Variants in MSANTD3 observed in about 807,000 individuals in gnomAD.
MSANTD3 encodes the protein myb/SANT-like DNA-binding domain-containing protein 3.
A neutral mutation model predicts 27.7 loss-of-function variants in MSANTD3; 11 were observed. That is an observed-to-expected ratio of 0.40 (90% CI 0.25 to 0.66). The LOEUF (loss-of-function observed/expected upper bound fraction) is 0.66. MSANTD3 is among the 30% of genes least tolerant of loss of function. The pLI, the probability that MSANTD3 is intolerant of heterozygous loss-of-function variation, is 0.41. For synonymous variants in MSANTD3, 131 were observed against 127.2 expected (o/e 1.03, Z -0.20); for missense variants, 250 against 336.5 (o/e 0.74, Z 2.01).
At chr9:100,437,991 C>T (rs1196469441) in intron 1 of MSANTD3, among the ~76,000 whole-genome samples, 1 of 152,188 alleles carries the variant, frequency 6.6e-6, no homozygotes, top group East Asian at 1.9e-4. Flanking sequence ...TGAGACTCAA[C>T]TGGCCACATG....
At chr9:100,449,664 G>C (rs1836838621) in intron 2 of MSANTD3, among the ~76,000 whole-genome samples, 1 of 152,112 alleles carries the variant, frequency 6.6e-6, no homozygotes, top group African/African-American at 2.4e-5. Context: ...GGGTGAACAG[G>C]GCATTTGGAA....
intron 2 of MSANTD3, chr9:100,449,073 G>A: frequency 5.1e-6 from 5 of 985,262 alleles, no homozygotes; most frequent in Non-Finnish European, 6.0e-6. Context: ...AATCAACTAT[G>A]TTAATAAATT....
intron 1 of MSANTD3, among the ~76,000 whole-genome samples, chr9:100,436,205 C>T (rs529348796): frequency 1.3e-5 from 2 of 152,232 alleles, no homozygotes; most frequent in South Asian, 2.1e-4. Flanking sequence ...TGACTGTTCA[C>T]AGGCACAATC....
intron 1 of MSANTD3, chr9:100,429,502 C>T (rs556994648): frequency 7.9e-5 from 12 of 152,220 alleles, no homozygotes; most frequent in Non-Finnish European, 1.0e-4. Context: ...ATGTATTCCC[C>T]TAGGAATTTC....
intron 1 of MSANTD3, among the ~76,000 whole-genome samples, chr9:100,437,799 A>G (rs1836509088): frequency 6.6e-6 from 1 of 152,218 alleles, no homozygotes; most frequent in African/African-American, 2.4e-5. Context: ...GTAAATTTAT[A>G]TATACATGCA....
intron 1 of MSANTD3, among the ~76,000 whole-genome samples, chr9:100,432,120 C>T (rs994519385): frequency 2.6e-5 from 4 of 152,092 alleles, no homozygotes; most frequent in African/African-American, 9.7e-5. Context: ...TGCATGCACA[C>T]AGTCACACTC....
chr9:100,440,592 T>TG (rs1000303119), intron 1 of MSANTD3, among the ~76,000 whole-genome samples: 1 of 90,736 alleles, frequency 1.1e-5, no homozygotes, highest in Admixed American at 1.0e-4. Context: ...AACGTCAAAT[T>TG]TTTTTTTTTT....
In MSANTD3 at chr9:100,427,361, C is replaced by T; in HGVS notation, c.-66C>T. ...CCCTCGCGCCTCGCCGGCCCCTCCC[C>T]CGGTCGCCGCGGCTGCCGCGCCGCC... On this transcript the variant is annotated 5_prime_UTR_variant, in exon 1 of 3. Transcript: ENST00000395067. 6.8e-6 allele frequency: 1 copy of T among 147,024 alleles called. No individual in the cohort carries two copies. The allele number at this position is 147,024 out of a possible 1,614,324, so 9.1% of individuals were successfully genotyped here. A position where few individuals can be genotyped will look rare whatever the true frequency, so the allele number is the denominator to read the frequency against.
At chr9:100,442,823 A>C (rs1836661004) in intron 2 of MSANTD3, among the ~76,000 whole-genome samples, 1 of 151,430 alleles carries the variant, frequency 6.6e-6, no homozygotes, top group East Asian at 1.9e-4. Flanking sequence ...AAAAAAAAAA[A>C]AAAAAAGTAA....
At chr9:100,427,806 C>T (rs1368128878) in intron 1 of MSANTD3, among the ~76,000 whole-genome samples, 1 of 152,176 alleles carries the variant, frequency 6.6e-6, no homozygotes, top group Non-Finnish European at 1.5e-5. Context: ...ACCTCCAGTG[C>T]CCCGCCCGTC....
intron 2 of MSANTD3, chr9:100,444,593 TC>T (rs34222842): frequency 6.6e-6 from 1 of 152,640 alleles, no homozygotes; most frequent in Non-Finnish European, 1.5e-5. Context: ...TTGCTTATGT[TC>T]CCTGGGAGAT....
At position 100,439,590 on chromosome 9, in the gene MSANTD3, A is replaced by C. The variant is rs939397477; in HGVS notation, c.-33-2316A>C. Among the ~76,000 whole-genome samples, 21 of 151,676 alleles carry C rather than the reference A, an allele frequency of 1.4e-4. 1 individual carries two copies. The East Asian group carries it at 3.5e-3, about 25-fold the overall frequency. On this transcript the variant is annotated intron_variant, in intron 1 of 2. Coordinates refer to ENST00000395067, the MANE Select transcript of MSANTD3 (RefSeq NM_080655.3). ...AGTGGCGCGATCTCAGCTCACTGCA[A>C]GCTCCGCCCCCCGGGGTCAAGCAAT...
At chr9:100,447,919 A>G (rs533072558) in intron 2 of MSANTD3, among the ~76,000 whole-genome samples, 93 of 152,174 alleles carry the variant, frequency 6.1e-4, no homozygotes, top group Non-Finnish European at 1.2e-3. Context: ...AGGCCGGTGC[A>G]GTGGCTCATG....
chr9:100,451,235 C>A lies in MSANTD3; in HGVS notation c.*269C>A. 1 of 336,544 alleles carries A rather than the reference C, an allele frequency of 3.0e-6. No individual in the cohort carries two copies. Among genetic ancestry groups the A allele is most frequent in the Non-Finnish European group, 5.4e-6 (1 of 186,198 alleles). The allele number at this position is 336,544 out of a possible 1,614,324, so 20.8% of individuals were successfully genotyped here. A position where few individuals can be genotyped will look rare whatever the true frequency, so the allele number is the denominator to read the frequency against. Reference sequence around the variant, plus strand: ...TTAATTAGAATTCATACAAGAACCACGTGTGAGTGTTGTTGTTGTTGTTTT... The same window carrying A: ...TTAATTAGAATTCATACAAGAACCAAGTGTGAGTGTTGTTGTTGTTGTTTT... On this transcript the variant is annotated 3_prime_UTR_variant, in exon 3 of 3. Transcript: ENST00000395067.
chr9:100,441,816 A>T, intron 1 of MSANTD3, 90 bp from the exon 2 acceptor site: 1 of 1,364,608 alleles, frequency 7.3e-7, no homozygotes, highest in Non-Finnish European at 9.8e-7. Flanking sequence ...ATTTCAGACA[A>T]GGGAATCAAG....
At chr9:100,427,813 C>T (rs1217366660) in intron 1 of MSANTD3, among the ~76,000 whole-genome samples, 2 of 152,134 alleles carry the variant, frequency 1.3e-5, no homozygotes, top group African/African-American at 4.8e-5. Context: ...GTGCCCCGCC[C>T]GTCCAGAGTG....
At chr9:100,446,568 G>A (rs1191623346) in intron 2 of MSANTD3, among the ~76,000 whole-genome samples, 6 of 152,102 alleles carry the variant, frequency 3.9e-5, no homozygotes, top group Non-Finnish European at 7.4e-5. Flanking sequence ...GTTCACACCT[G>A]TAATCCTAGC....
At chr9:100,427,925 T>A (rs910662444) in intron 1 of MSANTD3, among the ~76,000 whole-genome samples, 3 of 151,870 alleles carry the variant, frequency 2.0e-5, no homozygotes, top group East Asian at 3.9e-4. Context: ...GGCTACTGTT[T>A]CTGTAAATTA....
At chr9:100,438,333 A>G (rs554319275) in intron 1 of MSANTD3, among the ~76,000 whole-genome samples, 7 of 152,374 alleles carry the variant, frequency 4.6e-5, no homozygotes, top group Admixed American at 4.6e-4. Flanking sequence ...AGTTGGGGAT[A>G]TAACATAAGT....
Sources: allele counts gnomAD v4.1 joint callset (sites outside exome capture counted in the v4.1 genomes callset), GRCh38; gene constraint gnomAD v4.1.1; transcripts MANE v1.5; gene names NCBI Gene and HGNC (gene_info 2026-07-23, HGNC 2026-07-21).